Variants in KCTD8 observed in about 807,000 individuals in gnomAD.
KCTD8 encodes BTB/POZ domain-containing protein KCTD8.
KCTD8 carries 27 observed loss-of-function variants against 31.5 expected under a neutral mutation model. That is an observed-to-expected ratio of 0.86 (90% CI 0.63 to 1.18). The LOEUF (loss-of-function observed/expected upper bound fraction) is 1.18. Ranked by LOEUF, KCTD8 falls within the 50% of genes most tolerant of loss-of-function variation. The probability of loss-of-function intolerance (pLI) is 0.00; values close to 1 mark genes in which losing one functional copy is unlikely to be tolerated. For synonymous variants in KCTD8, 290 were observed against 280.0 expected, an observed-to-expected ratio of 1.04 and a Z score of -0.36; for missense variants, 658 against 647.7, an observed-to-expected ratio of 1.02 and a Z score of -0.17.
intron 1 of KCTD8, among the ~76,000 whole-genome samples, chr4:44,227,102 G>A (rs1203931679): frequency 6.6e-6 from 1 of 152,148 alleles, no homozygotes; most frequent in Non-Finnish European, 1.5e-5. Flanking sequence ...TTTTAGTCAT[G>A]AAGTCCTTGC....
chr4:44,373,073 G>A (rs1425476840), intron 1 of KCTD8, among the ~76,000 whole-genome samples: 1 of 151,912 alleles, frequency 6.6e-6, no homozygotes, highest in Admixed American at 6.6e-5. Context: ...CCTCAAAAAA[G>A]GTCAATAGAG....
chr4:44,316,018 T>C (rs949150224), intron 1 of KCTD8, among the ~76,000 whole-genome samples: 19 of 152,266 alleles, frequency 1.2e-4, no homozygotes, highest in Middle Eastern at 3.4e-3. Context: ...TAAGACAAAC[T>C]AGTGTTTCTC....
intron 1 of KCTD8, among the ~76,000 whole-genome samples, chr4:44,258,668 T>C (rs555017869): frequency 2.7e-4 from 41 of 152,082 alleles, no homozygotes; most frequent in African/African-American, 9.6e-4. Context: ...AAATATGATA[T>C]TTAATACATT....
At chr4:44,182,405 A>G (rs1713452053) in intron 1 of KCTD8, among the ~76,000 whole-genome samples, 1 of 152,264 alleles carries the variant, frequency 6.6e-6, no homozygotes, top group Non-Finnish European at 1.5e-5. Context: ...CTGTGTAGAA[A>G]GAAGTAGACA....
Position 44,448,269 on chromosome 4 carries a change from G to A in KCTD8, c.255C>T (p.Arg85=), listed in dbSNP as rs1722005820. 1 of 1,603,032 alleles carries A rather than the reference G, an allele frequency of 6.2e-7. No homozygotes were observed. Among genetic ancestry groups the A allele is most frequent in the African/African-American group, 1.3e-5 (1 of 74,618 alleles). The part of the protein sequence containing the change: ...SPSSPRGGAR[R]RGELPRDSRA... ...GGCTGTCCCTGGGCAGCTCGCCCCG[G>A]CGCCGGGCGCCGCCACGGGGACTAG... is the stretch of plus-strand genomic sequence containing the variant. The change falls in exon 1 of 2, where the codon CGC becomes CGT. Residue 85 remains arginine (R), a synonymous_variant. Transcript: ENST00000360029. This position sits in a 1 kb window ranked among gnomAD's most constrained non-coding sequence, Gnocchi z 4.1.
At chr4:44,238,468 A>G (rs1472277675) in intron 1 of KCTD8, among the ~76,000 whole-genome samples, 1 of 152,156 alleles carries the variant, frequency 6.6e-6, no homozygotes, top group Non-Finnish European at 1.5e-5. Context: ...ACTATTTGCA[A>G]CAGAGTTTAG....
chr4:44,327,472 T>C (rs1200039952), intron 1 of KCTD8, among the ~76,000 whole-genome samples: 1 of 151,880 alleles, frequency 6.6e-6, no homozygotes, highest in Admixed American at 6.6e-5. Flanking sequence ...GTTTGTATAA[T>C]GTTTCCCACA....
intron 1 of KCTD8, among the ~76,000 whole-genome samples, chr4:44,328,427 T>A (rs1353677298): frequency 1.3e-5 from 2 of 151,966 alleles, no homozygotes; most frequent in Non-Finnish European, 2.9e-5. Context: ...AGCTGAGTAC[T>A]AGATGACCAC....
In KCTD8 at chr4:44,351,688, A is replaced by G. The variant is rs946365639; in HGVS notation, c.961+95875T>C. 5.3e-5 allele frequency among the ~76,000 whole-genome samples: 8 copies of G among 152,202 alleles called. No homozygotes were observed. In the East Asian group the frequency reaches 7.7e-4, roughly 15 times the overall value. On this transcript the variant is annotated intron_variant, in intron 1 of 1. Coordinates refer to ENST00000360029, the MANE Select transcript of KCTD8 (RefSeq NM_198353.3). ...AAAATATCTTTAATGTAAAGTATCA[A>G]TATGGTACAATAGAACATAGAGATC...
chr4:44,301,955 C>A (rs1410785326), intron 1 of KCTD8, among the ~76,000 whole-genome samples: 1 of 152,172 alleles, frequency 6.6e-6, no homozygotes, highest in South Asian at 2.1e-4. Context: ...GTTTTCCCAG[C>A]ACCATTTATT....
At chr4:44,240,614 C>G (rs28735791) in intron 1 of KCTD8, among the ~76,000 whole-genome samples, 1 of 152,166 alleles carries the variant, frequency 6.6e-6, no homozygotes, top group African/African-American at 2.4e-5. Flanking sequence ...GCTGGGACGA[C>G]AGGTTCAAGT....
intron 1 of KCTD8, among the ~76,000 whole-genome samples, chr4:44,337,245 T>C (rs1042660772): frequency 2.6e-5 from 4 of 152,202 alleles, no homozygotes; most frequent in Non-Finnish European, 5.9e-5. Flanking sequence ...AGTTCAATTA[T>C]GATTAAAAAT....
intron 1 of KCTD8, among the ~76,000 whole-genome samples, chr4:44,267,878 C>T (rs567561641): frequency 6.6e-6 from 1 of 152,094 alleles, no homozygotes; most frequent in Non-Finnish European, 1.5e-5. Context: ...CAATAACAGG[C>T]TCTTAAATTG....
intron 1 of KCTD8, among the ~76,000 whole-genome samples, chr4:44,178,335 G>C (rs916082345): frequency 3.3e-5 from 5 of 152,084 alleles, no homozygotes; most frequent in African/African-American, 1.2e-4. Context: ...AGTGTGAAGG[G>C]CTGGTATGTA....
intron 1 of KCTD8, among the ~76,000 whole-genome samples, chr4:44,432,352 C>G (rs1320724838): frequency 6.6e-6 from 1 of 151,472 alleles, no homozygotes; most frequent in South Asian, 2.1e-4. Flanking sequence ...TCTATACATA[C>G]AGATCTCTGT....
chr4:44,203,495 CAAA>C (rs554145266), intron 1 of KCTD8, among the ~76,000 whole-genome samples: 3 of 44,722 alleles, frequency 6.7e-5, no homozygotes, highest in Non-Finnish European at 9.7e-5. Context: ...GACTCCATCT[CAAA>C]AAAAAAAAAA....
intron 1 of KCTD8, among the ~76,000 whole-genome samples, chr4:44,332,030 C>T (rs1166509132): frequency 6.6e-6 from 1 of 151,702 alleles, no homozygotes; most frequent in Non-Finnish European, 1.5e-5. Context: ...CTAGTAGATA[C>T]TCTCAACTGA....
At chr4:44,425,907 T>A (rs1282542778) in intron 1 of KCTD8, among the ~76,000 whole-genome samples, 1 of 151,448 alleles carries the variant, frequency 6.6e-6, no homozygotes, top group Non-Finnish European at 1.5e-5. Context: ...CTTGCAAGAG[T>A]CATTGTCTGT....
intron 1 of KCTD8, among the ~76,000 whole-genome samples, chr4:44,437,110 G>C (rs1344860262): frequency 6.7e-6 from 1 of 150,110 alleles, no homozygotes; most frequent in Non-Finnish European, 1.5e-5. Context: ...TAAATAGCCT[G>C]GGTTATTTAA....
Sources: allele counts gnomAD v4.1 joint callset (sites outside exome capture counted in the v4.1 genomes callset), GRCh38; gene constraint gnomAD v4.1.1; non-coding constraint Gnocchi (gnomAD v3.1); transcripts MANE v1.5; gene names NCBI Gene and HGNC (gene_info 2026-07-23, HGNC 2026-07-21).